The following SRCAP variants were observed in gnomAD, a reference collection of about 807,000 sequenced individuals.
SRCAP encodes Snf2 related CREBBP activator protein, also known as chromatin remodeling protein SRCAP.
In SRCAP, 46 loss-of-function variants were observed where a neutral mutation model predicts 263.1. That is an observed-to-expected ratio of 0.17 (90% confidence interval 0.14 to 0.22). The LOEUF (loss-of-function observed/expected upper bound fraction) is 0.22, where lower values mean the gene tolerates loss of function less well. Ranked by LOEUF, SRCAP falls within the 10% of genes least tolerant of loss-of-function variation. The pLI, the probability that SRCAP is intolerant of heterozygous loss-of-function variation, is 1.00. For synonymous variants in SRCAP, 1,813 were observed against 1,662.1 expected, an observed-to-expected ratio of 1.09 and a Z score of -2.21; for missense variants, 3,695 against 4,181.9, an observed-to-expected ratio of 0.88 and a Z score of 3.21.
At chr16:30,713,472 G>A (rs575108864) in intron 15 of SRCAP, 47 bp from the exon 16 acceptor site, 1 of 1,611,056 alleles carries the variant, frequency 6.2e-7, no homozygotes, top group East Asian at 2.2e-5. Flanking sequence ...CAGAAGGTTG[G>A]GAGCTTGCTG....
At position 30,722,713 on chromosome 16, in the gene SRCAP, C is replaced by G; in HGVS notation, c.3857C>G (p.Pro1286Arg). The G allele has an allele frequency of 6.2e-7, 1 of 1,613,692 alleles. No individual in the cohort carries two copies. The highest frequency in any genetic ancestry group is 8.5e-7 in the Non-Finnish European group (1 of 1,179,832). Residue 1286 changes from proline to arginine, a missense_variant, in exon 23 of 34, where the codon CCT becomes CGT. Physicochemically the swap from Pro to Arg is moderately radical, Grantham distance 103. Around this residue, in one of 12 missense-constraint regions of SRCAP, gnomAD observed 1,347 missense variants for 1,304.4 expected, o/e 1.03. Transcript: ENST00000262518. ...PSSTPSTTPAPTGLSLPLAAN... is the reference protein window; with the variant it reads ...PSSTPSTTPARTGLSLPLAAN... ...TCGACCCCCAGCACCACCCCTGCCC[C>G]TACTGGCCTCAGCCTTCCGCTTGCT...
At chr16:30,728,160 A>C (rs1310130430) in intron 25 of SRCAP, among the ~76,000 whole-genome samples, 1 of 152,140 alleles carries the variant, frequency 6.6e-6, no homozygotes, top group African/African-American at 2.4e-5. Flanking sequence ...TTTCACAACT[A>C]TCTCTTGGGG....
At chr16:30,737,006 C>T in intron 33 of SRCAP, 43 bp from the exon 34 acceptor site, 14 of 1,536,766 alleles carry the variant, frequency 9.1e-6, no homozygotes, top group Non-Finnish European at 1.2e-5. Flanking sequence ...ACTCTCTACT[C>T]TGCTTGCCTC....
Position 30,737,616 on chromosome 16 carries a change from C to T in SRCAP, c.7576C>T (p.Pro2526Ser), listed in dbSNP as rs1356194907. The T allele has an allele frequency of 4.3e-6, 7 of 1,613,958 alleles. No homozygotes were observed. Among genetic ancestry groups the T allele is most frequent in the Non-Finnish European group, 5.9e-6 (7 of 1,180,034 alleles). Reference protein sequence around the residue: ...AQTCLVTPSSPLLLGPPSVPI... With the variant: ...AQTCLVTPSSSLLLGPPSVPI... ...AACCTGTCTTGTAACTCCTTCCTCT[C>T]CTCTCTTGCTTGGTCCACCTTCTGT... The change falls in exon 34 of 34, where the codon CCT (proline) becomes TCT (serine). Residue 2526 changes from proline (P) to serine (S), a missense_variant. Around this residue, in one of 12 missense-constraint regions of SRCAP, gnomAD observed 1,207 missense variants for 1,142.9 expected, o/e 1.06. Transcript: ENST00000262518.
At chr16:30,715,938 A>C in intron 16 of SRCAP, 128 bp from the exon 17 acceptor site, 1 of 1,208,594 alleles carries the variant, frequency 8.3e-7, no homozygotes. Context: ...CTTGCAGTTG[A>C]CTCATCTTTG....
In SRCAP at chr16:30,724,828, G is replaced by A. The variant is rs978664247; in HGVS notation, c.5404G>A (p.Ala1802Thr). The change falls in exon 25 of 34, where the codon GCA becomes ACA. Residue 1802 changes from alanine (A) to threonine (T), a missense_variant. This residue lies in a region of SRCAP where 1,347 missense variants were observed against 1,304.4 expected (regional missense o/e 1.03). Coordinates refer to ENST00000262518, the MANE Select transcript of SRCAP (RefSeq NM_006662.3). ...CCCAGTTCCTACCCTGGGCCCGGCC[G>A]CAGCTCAGACCTTGGCGCTGGCCCC... ...PAPVPTLGPA[A>T]AQTLALAPAS... is the part of the protein sequence containing the mutation. 37 of 1,613,668 alleles carry A rather than the reference G, an allele frequency of 2.3e-5. No individual in the cohort carries two copies. Among genetic ancestry groups the A allele is most frequent in the African/African-American group, 1.2e-4 (9 of 74,896 alleles).
Position 30,736,352 on chromosome 16 carries a change from G to A in SRCAP, c.6882G>A (p.Glu2294=). 6.2e-7 allele frequency: 1 copy of A among 1,613,964 alleles called. No individual in the cohort carries two copies. Among genetic ancestry groups the A allele is most frequent in the Non-Finnish European group, 8.5e-7 (1 of 1,179,938 alleles). ...EAGRPGAEDE[E]MSRAEQEIAA... is the part of the protein sequence containing the mutation. The stretch of plus-strand genomic sequence containing the variant: ...GCCGGCCTGGGGCTGAGGATGAGGA[G>A]ATGTCCCGGGCTGAGCAGGAAATTG... Residue 2294 remains glutamate (E), a synonymous_variant, in exon 32 of 34, where the codon GAG becomes GAA. Transcript: ENST00000262518.
intron 27 of SRCAP, among the ~76,000 whole-genome samples, chr16:30,730,242 A>G (rs2053100525): frequency 6.6e-6 from 1 of 152,246 alleles, no homozygotes; most frequent in Non-Finnish European, 1.5e-5. Flanking sequence ...ACAAGACTGC[A>G]CAGTAAGTAA....
intron 5 of SRCAP, 22 bp from the exon 6 acceptor site, chr16:30,707,550 C>T (rs1174869669): frequency 5.6e-6 from 9 of 1,611,128 alleles, no homozygotes; most frequent in Non-Finnish European, 7.6e-6. Context: ...AGTGTTTTCA[C>T]CCTGGGTCTT....
Position 30,723,853 on chromosome 16 carries a change from A to G in SRCAP, c.4429A>G (p.Thr1477Ala). Residue 1477 changes from threonine (T) to alanine (A), a missense_variant, in exon 25 of 34, where the codon ACT (threonine) becomes GCT (alanine). Coordinates refer to ENST00000262518, the MANE Select transcript of SRCAP (RefSeq NM_006662.3). ...GGGCCCAGCTCTGTTGACCAGTGTGACTCCACCATTGGCACCTGTTGTCCC... is the reference window on the plus strand; with the variant it reads ...GGGCCCAGCTCTGTTGACCAGTGTGGCTCCACCATTGGCACCTGTTGTCCC... ...ASGPALLTSVTPPLAPVVPAA... is the reference protein window; with the variant it reads ...ASGPALLTSVAPPLAPVVPAA... 1 of 1,613,536 alleles carries G rather than the reference A, an allele frequency of 6.2e-7. No homozygotes were observed.
In SRCAP at chr16:30,724,221, T is replaced by C. The variant is rs1479350729; in HGVS notation, c.4797T>C (p.Ala1599=). The part of the protein sequence containing the change: ...PMAAPQTAIL[A]PSPAPPLAPL... The stretch of plus-strand genomic sequence containing the variant: ...CGGCTCCACAGACAGCAATTCTGGC[T>C]CCTTCTCCAGCTCCTCCTCTGGCTC... The change falls in exon 25 of 34, where the codon GCT becomes GCC. Residue 1599 remains alanine (A), a synonymous_variant. Transcript: ENST00000262518. 6.2e-7 allele frequency: 1 copy of C among 1,613,932 alleles called. No homozygotes were observed. The highest frequency in any genetic ancestry group is 8.5e-7 in the Non-Finnish European group (1 of 1,179,968).
intron 3 of SRCAP, chr16:30,701,319 A>G (rs1226702126): frequency 6.5e-6 from 1 of 152,828 alleles, no homozygotes; most frequent in Non-Finnish European, 1.5e-5. Context: ...TTTCTATTTT[A>G]ATTTTTTAAA....
At chr16:30,708,503 C>T (rs7195037) in intron 6 of SRCAP, among the ~76,000 whole-genome samples, 1,658 of 152,170 alleles carry the variant, frequency 0.011, 30 homozygotes, top group African/African-American at 0.037. Flanking sequence ...AAGTGATTCT[C>T]CTGCCTCAGG....
At chr16:30,712,593 G>A (rs1434123813) in intron 13 of SRCAP, 86 bp from the exon 14 acceptor site, 7 of 1,585,042 alleles carry the variant, frequency 4.4e-6, no homozygotes, top group African/African-American at 4.0e-5. Flanking sequence ...CCTAGGAAGG[G>A]CCAAAGGGTG....
chr16:30,722,503 C>G (rs1015463254), intron 22 of SRCAP, 60 bp from the exon 23 acceptor site: 6 of 1,591,808 alleles, frequency 3.8e-6, no homozygotes. Context: ...CTTGCCTTGC[C>G]TCTGCCCTCC....
intron 8 of SRCAP, chr16:30,710,467 C>T (rs900288243): frequency 6.9e-6 from 5 of 722,328 alleles, no homozygotes; most frequent in Non-Finnish European, 1.3e-5. Context: ...GGCATGGTAC[C>T]CTTAAGTCTT....
At chr16:30,730,773 T>G (rs1351492494) in intron 27 of SRCAP, among the ~76,000 whole-genome samples, 1 of 150,242 alleles carries the variant, frequency 6.7e-6, no homozygotes, top group Non-Finnish European at 1.5e-5. Flanking sequence ...TTTCAAGGTA[T>G]TCTCCTGCCT....
At chr16:30,725,721 T>G in intron 25 of SRCAP, 1 of 152,362 alleles carries the variant, frequency 6.6e-6, no homozygotes, top group Non-Finnish European at 1.5e-5. Flanking sequence ...ACTTGGTTTT[T>G]TTTGGTAACA....
Position 30,733,131 on chromosome 16 carries a change from C to T in SRCAP, c.6128-149C>T, listed in dbSNP as rs1346856055. 2 of 860,862 alleles carry T rather than the reference C, an allele frequency of 2.3e-6. No individual in the cohort carries two copies. The highest frequency in any genetic ancestry group is 1.7e-5 in the African/African-American group (1 of 59,416). The allele number at this position is 860,862 out of a possible 1,614,324, so 53.3% of individuals were successfully genotyped here. A position where few individuals can be genotyped will look rare whatever the true frequency, so the allele number is the denominator to read the frequency against. ...GACTACAGGTGTGAGCCACCATGCCCTGCCGTAGTTAAACATTTTTGATCT... is the reference window on the plus strand; with the variant it reads ...GACTACAGGTGTGAGCCACCATGCCTTGCCGTAGTTAAACATTTTTGATCT... On this transcript the variant is annotated intron_variant, in intron 27 of 33. Transcript: ENST00000262518. The surrounding 1 kb of genome is among the most constrained non-coding windows in gnomAD (Gnocchi z 5.3).
Sources: allele counts gnomAD v4.1 joint callset (sites outside exome capture counted in the v4.1 genomes callset), GRCh38; gene constraint gnomAD v4.1.1; regional missense constraint gnomAD v4.1.1; non-coding constraint Gnocchi (gnomAD v3.1); transcripts MANE v1.5; gene names NCBI Gene and HGNC (gene_info 2026-07-23, HGNC 2026-07-21).